The following PLCB1 variants were observed in gnomAD, a reference collection of about 807,000 sequenced individuals.
The protein encoded by PLCB1 is phospholipase C beta 1.
Under a neutral mutation model 161.8 loss-of-function variants are expected in PLCB1, and 46 were observed. The ratio of observed to expected loss-of-function variants is 0.28; its 90% CI spans 0.22 to 0.36. The LOEUF is 0.36. PLCB1 is among the 10% of genes least tolerant of loss of function. PLCB1 has a pLI of 1.00. For synonymous variants in PLCB1, 517 were observed against 503.7 expected (o/e 1.03, Z -0.35); for missense variants, 1,016 against 1,472.5 (o/e 0.69, Z 5.07).
intron 3 of PLCB1, among the ~76,000 whole-genome samples, chr20:8,592,902 G>A (rs1987193541): frequency 6.6e-6 from 1 of 152,108 alleles, no homozygotes. Context: ...CTCAATGCTG[G>A]CTGCACATTA....
At chr20:8,394,363 T>G (rs146298946) in intron 3 of PLCB1, among the ~76,000 whole-genome samples, 3 of 152,316 alleles carry the variant, frequency 2.0e-5, no homozygotes, top group African/African-American at 7.2e-5. Context: ...CAATAACTTT[T>G]AATAGTCATA....
intron 2 of PLCB1, among the ~76,000 whole-genome samples, chr20:8,221,728 TG>T (rs1555791138): frequency 6.6e-6 from 1 of 152,134 alleles, no homozygotes; most frequent in Non-Finnish European, 1.5e-5. Flanking sequence ...TAACAAAATA[TG>T]TATTATATAA....
Position 8,466,352 on chromosome 20 carries a change from T to C in PLCB1, c.246+94902T>C, listed in dbSNP as rs987023069. On this transcript the variant is annotated intron_variant, in intron 3 of 31. Transcript: ENST00000338037. ...GGTGGGGGAGGGGGGAGGGATAGCA[T>C]TGGGAGATATACCTAATGCTAGATG... Among the ~76,000 whole-genome samples the C allele has an allele frequency of 3.4e-5, 5 of 146,490 alleles. No individual in the cohort carries two copies. In the East Asian group the frequency reaches 8.5e-4, roughly 25 times the overall value.
chr20:8,308,907 G>A (rs1317353557), intron 2 of PLCB1, among the ~76,000 whole-genome samples: 2 of 151,802 alleles, frequency 1.3e-5, no homozygotes, highest in East Asian at 1.9e-4. Flanking sequence ...CCCAGATAGG[G>A]ACTCATAGAT....
intron 23 of PLCB1, among the ~76,000 whole-genome samples, chr20:8,743,253 T>G (rs2123525692): frequency 6.6e-6 from 1 of 152,320 alleles, no homozygotes. Flanking sequence ...TTTTGAGGGT[T>G]TTTATCAGAA....
intron 3 of PLCB1, among the ~76,000 whole-genome samples, chr20:8,376,085 G>A (rs1408259250): frequency 6.6e-6 from 1 of 152,168 alleles, no homozygotes; most frequent in Non-Finnish European, 1.5e-5. Flanking sequence ...ACCACAGGGA[G>A]CGACCTCAGG....
At chr20:8,498,026 G>A (rs1191969068) in intron 3 of PLCB1, among the ~76,000 whole-genome samples, 4 of 152,128 alleles carry the variant, frequency 2.6e-5, no homozygotes, top group African/African-American at 9.6e-5. Context: ...CTTTTAATAA[G>A]ACAATAAAAC....
At chr20:8,358,290 C>T (rs568663260) in intron 2 of PLCB1, among the ~76,000 whole-genome samples, 37 of 152,286 alleles carry the variant, frequency 2.4e-4, no homozygotes, top group Non-Finnish European at 4.6e-4. Flanking sequence ...ACTCTGTCGC[C>T]CAGGCTGGAG....
chr20:8,682,425 C>A (rs1990246444), intron 9 of PLCB1, among the ~76,000 whole-genome samples: 1 of 152,096 alleles, frequency 6.6e-6, no homozygotes, highest in Admixed American at 6.5e-5. Context: ...TTGCCCGAGC[C>A]CAGGAGGAAG....
intron 3 of PLCB1, among the ~76,000 whole-genome samples, chr20:8,442,298 G>A (rs1471731589): frequency 1.3e-5 from 2 of 152,150 alleles, no homozygotes; most frequent in Non-Finnish European, 2.9e-5. Flanking sequence ...TCAAGGGGCC[G>A]GCAGGTTTCG....
chr20:8,330,717 T>C (rs959481536), intron 2 of PLCB1, among the ~76,000 whole-genome samples: 7 of 152,236 alleles, frequency 4.6e-5, no homozygotes, highest in African/African-American at 4.8e-5. Flanking sequence ...GACAAACTTA[T>C]TGACATGTAA....
chr20:8,142,524 T>C (rs1020347780), intron 1 of PLCB1, among the ~76,000 whole-genome samples: 2 of 152,218 alleles, frequency 1.3e-5, no homozygotes, highest in Non-Finnish European at 1.5e-5. Flanking sequence ...TCAATATTGG[T>C]TGAAGGTGAT....
chr20:8,168,581 C>T (rs2051699301), intron 2 of PLCB1, among the ~76,000 whole-genome samples: 1 of 152,144 alleles, frequency 6.6e-6, no homozygotes, highest in Admixed American at 6.5e-5. Flanking sequence ...CTCCTAGCAA[C>T]ATCTCTTAAA....
At chr20:8,695,911 G>C (rs1990574429) in intron 10 of PLCB1, among the ~76,000 whole-genome samples, 1 of 152,110 alleles carries the variant, frequency 6.6e-6, no homozygotes, top group South Asian at 2.1e-4. Context: ...TCCATGCCCT[G>C]TGTATTATAA....
chr20:8,139,631 AAATTT>A (rs1297861712), intron 1 of PLCB1, among the ~76,000 whole-genome samples: 1 of 152,180 alleles, frequency 6.6e-6, no homozygotes, highest in African/African-American at 2.4e-5. Context: ...AGAGTAAGGG[AAATTT>A]AATTTAATTT....
chr20:8,454,718 A>T (rs1475075376), intron 3 of PLCB1, among the ~76,000 whole-genome samples: 1 of 152,030 alleles, frequency 6.6e-6, no homozygotes, highest in Non-Finnish European at 1.5e-5. Flanking sequence ...GTCTTTCCTA[A>T]ATGTCACCTT....
intron 2 of PLCB1, among the ~76,000 whole-genome samples, chr20:8,277,074 C>T (rs1288781215): frequency 6.6e-6 from 1 of 150,874 alleles, no homozygotes; most frequent in Non-Finnish European, 1.5e-5. Context: ...GATCTCGGCT[C>T]ACTGCAGCCT....
intron 7 of PLCB1, among the ~76,000 whole-genome samples, chr20:8,650,459 T>C (rs1989285830): frequency 6.6e-6 from 1 of 152,172 alleles, no homozygotes; most frequent in South Asian, 2.1e-4. Flanking sequence ...TAAGTATAAA[T>C]ACAACCTCAA....
chr20:8,150,567 T>C (rs1435313830), intron 2 of PLCB1, among the ~76,000 whole-genome samples, 196 bp downstream of exon 2: 1 of 152,164 alleles, frequency 6.6e-6, no homozygotes, highest in African/African-American at 2.4e-5. Context: ...AATATTAGAT[T>C]TGCTAAATTC....
Sources: gnomAD v4.1 joint callset for allele counts (sites outside exome capture counted in the v4.1 genomes callset) on GRCh38, gnomAD v4.1.1 for gene constraint, MANE v1.5 for transcripts, NCBI Gene and HGNC (gene_info 2026-07-23, HGNC 2026-07-21) for gene names.